The following UNC13B variants were observed in gnomAD, a reference collection of about 807,000 sequenced individuals.
UNC13B encodes the protein unc-13 homolog B, also known as protein unc-13 homolog B.
Under a neutral mutation model 211.0 loss-of-function variants are expected in UNC13B, and 144 were observed. The observed-to-expected ratio is 0.68, with a 90% confidence interval of 0.60 to 0.78. The LOEUF (loss-of-function observed/expected upper bound fraction) is 0.78. Ranked by LOEUF, UNC13B falls within the 30% of genes least tolerant of loss-of-function variation. The pLI, the probability that UNC13B is intolerant of heterozygous loss-of-function variation, is 0.00. For synonymous variants in UNC13B, 709 were observed against 725.8 expected (o/e 0.98, Z 0.37); for missense variants, 1,777 against 2,002.0 (o/e 0.89, Z 2.14).
At position 35,404,542 on chromosome 9, in the gene UNC13B, C is replaced by T. The variant is rs1836558178; in HGVS notation, c.*509C>T. The T allele has an allele frequency of 1.8e-5, 3 of 164,868 alleles. No individual in the cohort carries two copies. In the South Asian group the frequency reaches 4.8e-4, roughly 26 times the overall value. The allele number at this position is 164,868 out of a possible 1,614,324, so 10.2% of individuals were successfully genotyped here. On this transcript the variant is annotated 3_prime_UTR_variant, in exon 40 of 40. Coordinates refer to ENST00000635942, the MANE Select transcript of UNC13B (RefSeq NM_001371189.2). ...GTACACAGAATAGAATTTAGACTGTCCCTTGAGTAGAATCCACTGATTTTC... is the reference window on the plus strand; with the variant it reads ...GTACACAGAATAGAATTTAGACTGTTCCTTGAGTAGAATCCACTGATTTTC...
chr9:35,274,894 T>C (rs898924870), intron 7 of UNC13B, among the ~76,000 whole-genome samples: 3 of 152,224 alleles, frequency 2.0e-5, no homozygotes, highest in Non-Finnish European at 2.9e-5. Flanking sequence ...AATCATTTTT[T>C]GTCATACTGT....
At position 35,362,753 on chromosome 9, in the gene UNC13B, T is replaced by A. The variant is rs527607297; in HGVS notation, c.9415-4194T>A. On this transcript the variant is annotated intron_variant, in intron 11 of 39. Coordinates refer to ENST00000635942, the MANE Select transcript of UNC13B (RefSeq NM_001371189.2). ...AGGTGGAGCTTGCAGTGAGCCGAGATCGCACCACTGCACTCTAGCCTGGGC... is the reference window on the plus strand; with the variant it reads ...AGGTGGAGCTTGCAGTGAGCCGAGAACGCACCACTGCACTCTAGCCTGGGC... Among the ~76,000 whole-genome samples, 5 of 143,674 alleles carry A rather than the reference T, an allele frequency of 3.5e-5. No individual in the cohort carries two copies. In the South Asian group the frequency reaches 1.1e-3, roughly 31 times the overall value. The allele number at this position is 143,674 out of a possible 152,430, so 94.3% of individuals were successfully genotyped here. A position where few individuals can be genotyped will look rare whatever the true frequency, so the allele number is the denominator to read the frequency against.
rs138086414 is a variant in UNC13B at position 35,318,125 on chromosome 9, G to C, written c.9414+4136G>C. On this transcript the variant is annotated intron_variant, in intron 11 of 39. Transcript: ENST00000635942. ...AAAGCTTGGAATCATACAGACAGAG[G>C]CATGGTTTACCTAAGAGTAACTAAG... Among the ~76,000 whole-genome samples, 500 of 152,198 alleles carry C rather than the reference G, an allele frequency of 3.3e-3. 2 individuals are homozygous for C. The highest frequency in any genetic ancestry group is 5.4e-3 in the Non-Finnish European group (367 of 68,012).
intron 39 of UNC13B, 28 bp downstream of exon 39, chr9:35,403,627 T>G (rs766521662): frequency 7.8e-7 from 1 of 1,276,804 alleles, no homozygotes; most frequent in Non-Finnish European, 1.0e-6. Flanking sequence ...CATACAGGAC[T>G]CTGGGATGGG....
chr9:35,185,449 C>G (rs1205938220), intron 1 of UNC13B, among the ~76,000 whole-genome samples: 9 of 152,304 alleles, frequency 5.9e-5, no homozygotes, highest in Middle Eastern at 3.4e-3. Context: ...CAGGACAGTT[C>G]TCAAATTCTG....
At chr9:35,292,525 G>A (rs1041123640) in intron 7 of UNC13B, among the ~76,000 whole-genome samples, 2 of 152,220 alleles carry the variant, frequency 1.3e-5, no homozygotes, top group South Asian at 4.1e-4. Flanking sequence ...ATTCTTCAAA[G>A]CCATCTCCTC....
intron 12 of UNC13B, 86 bp downstream of exon 12, chr9:35,367,079 A>C (rs1587708789): frequency 7.7e-6 from 10 of 1,295,498 alleles, no homozygotes; most frequent in Admixed American, 6.8e-5. Context: ...CAGGGGAACC[A>C]GCTTCATAAG....
intron 1 of UNC13B, among the ~76,000 whole-genome samples, chr9:35,167,611 G>A (rs1267850963): frequency 9.5e-6 from 1 of 105,080 alleles, no homozygotes; most frequent in African/African-American, 3.5e-5. Flanking sequence ...TTTTTGAGAT[G>A]GAGTCTCACA....
rs1210409011 is a variant in UNC13B, at chr9:35,398,869, G to A, written c.11922-13G>A. ...TTGGGGAGGGAAAGGCTACACTGCG[G>A]GCACATGTGTAGTTTCCAGGTACGG... On this transcript the variant is annotated splice_polypyrimidine_tract_variant and intron_variant, in intron 32 of 39. Coordinates refer to ENST00000635942, the MANE Select transcript of UNC13B (RefSeq NM_001371189.2). 1 of 1,610,512 alleles carries A rather than the reference G, an allele frequency of 6.2e-7. No individual in the cohort carries two copies. Among genetic ancestry groups the A allele is most frequent in the Non-Finnish European group, 8.5e-7 (1 of 1,177,490 alleles).
At chr9:35,351,820 T>G in intron 11 of UNC13B, 1 of 1,232,254 alleles carries the variant, frequency 8.1e-7, no homozygotes, top group Non-Finnish European at 1.0e-6. Context: ...GGTCTGGTTC[T>G]CAGGATCCCT....
At chr9:35,392,986 A>G (rs906403104) in intron 26 of UNC13B, among the ~76,000 whole-genome samples, 1 of 152,170 alleles carries the variant, frequency 6.6e-6, no homozygotes. Flanking sequence ...AACTCTCCCA[A>G]TTAAAATATG....
chr9:35,278,276 T>TATC (rs1348311883), intron 7 of UNC13B, among the ~76,000 whole-genome samples: 2 of 152,216 alleles, frequency 1.3e-5, no homozygotes, highest in African/African-American at 2.4e-5. Flanking sequence ...GAGTCCTCAT[T>TATC]ATCATCTATC....
chr9:35,305,704 G>A lies in UNC13B; in HGVS notation c.6300G>A (p.Glu2100=). The A allele has an allele frequency of 2.5e-6, 1 of 398,996 alleles. No homozygotes were observed. The highest frequency in any genetic ancestry group is 4.4e-6 in the Non-Finnish European group (1 of 226,036). The allele number at this position is 398,996 out of a possible 1,614,324, so 24.7% of individuals were successfully genotyped here. The change falls in exon 9 of 40, where the codon GAG becomes GAA. Residue 2100 remains glutamate (E), a synonymous_variant. Coordinates refer to ENST00000635942, the MANE Select transcript of UNC13B (RefSeq NM_001371189.2). ...GTAGTCTCAAAGAGTCTTCCAGGGA[G>A]TCTTCAGTAGAAACTAGTGGTGTGA... ...STSSLKESSR[E]SSVETSGVTT...
At chr9:35,393,788 T>C (rs1835697333) in intron 26 of UNC13B, among the ~76,000 whole-genome samples, 1 of 151,874 alleles carries the variant, frequency 6.6e-6, no homozygotes. Context: ...GCCAGTCTGG[T>C]CTTGAACCCT....
chr9:35,253,269 G>A (rs886448151), intron 6 of UNC13B, among the ~76,000 whole-genome samples: 2 of 152,086 alleles, frequency 1.3e-5, no homozygotes, highest in Admixed American at 6.6e-5. Flanking sequence ...AGCTTCCCAA[G>A]TAGCAGAGAC....
chr9:35,312,561 C>T (rs1337985233), intron 10 of UNC13B, among the ~76,000 whole-genome samples: 2 of 152,178 alleles, frequency 1.3e-5, no homozygotes, highest in Admixed American at 6.5e-5. Context: ...TGGTTGTGTC[C>T]TCTCAGGTCC....
At chr9:35,280,787 G>A (rs1283859894) in intron 7 of UNC13B, among the ~76,000 whole-genome samples, 4 of 152,084 alleles carry the variant, frequency 2.6e-5, no homozygotes, top group African/African-American at 9.7e-5. Context: ...GAAATTTGAG[G>A]TGGTTAATTG....
chr9:35,347,553 T>C (rs1564153628), intron 11 of UNC13B, among the ~76,000 whole-genome samples: 1 of 152,174 alleles, frequency 6.6e-6, no homozygotes, highest in Non-Finnish European at 1.5e-5. Flanking sequence ...TCGAGCTCCA[T>C]CCCCTGCTTC....
At chr9:35,234,099 A>G (rs1243802953) in intron 3 of UNC13B, among the ~76,000 whole-genome samples, 2 of 152,140 alleles carry the variant, frequency 1.3e-5, no homozygotes, top group Non-Finnish European at 2.9e-5. Flanking sequence ...TTATATATGT[A>G]TCCCCAAGCA....
Sources: gnomAD v4.1 joint callset for allele counts (sites outside exome capture counted in the v4.1 genomes callset) on GRCh38, gnomAD v4.1.1 for gene constraint, MANE v1.5 for transcripts, NCBI Gene and HGNC (gene_info 2026-07-23, HGNC 2026-07-21) for gene names.